Variants in TJP1 observed in about 807,000 individuals in gnomAD.
The protein encoded by TJP1 is tight junction protein ZO-1.
A neutral mutation model predicts 194.2 loss-of-function variants in TJP1; 43 were observed. The ratio of observed to expected loss-of-function variants is 0.22; its 90% confidence interval spans 0.17 to 0.29. The LOEUF is 0.29. Among genes scored for constraint, TJP1 ranks in the 10% least tolerant of loss-of-function variants. The pLI is 1.00. For missense variants in TJP1, 1,971 were observed against 2,185.7 expected, an observed-to-expected ratio of 0.90 and a Z score of 1.96; for synonymous variants, 801 against 779.0, an observed-to-expected ratio of 1.03 and a Z score of -0.47.
At chr15:29,926,047 C>T (rs2054514079) in intron 2 of TJP1, among the ~76,000 whole-genome samples, 1 of 152,150 alleles carries the variant, frequency 6.6e-6, no homozygotes, top group Admixed American at 6.5e-5. Context: ...CAGCAGTTAG[C>T]TCACCATGCC....
chr15:29,760,125 G>T (rs1159794186), intron 8 of TJP1: 1 of 679,144 alleles, frequency 1.5e-6, no homozygotes, highest in Non-Finnish European at 2.7e-6. Context: ...TGTCTCTTCA[G>T]CCCTGGACTC....
At position 29,718,898 on chromosome 15, in the gene TJP1, CTTCG is replaced by C. The variant is rs2042754635; in HGVS notation, c.3240_3243del (p.Tyr1080Ter). The C allele has an allele frequency of 6.2e-7, 1 of 1,614,078 alleles. No homozygotes were observed. The highest frequency in any genetic ancestry group is 8.5e-7 in the Non-Finnish European group (1 of 1,180,052). ...TGTTCTTCATACATGGGGACGCGAT[CTTCG>C]TATCGCAGACGATGTTCATAGTTTC... On this transcript the variant is annotated frameshift_variant, in exon 21 of 28. Coordinates refer to ENST00000614355, the MANE Select transcript of TJP1 (RefSeq NM_001330239.4). LOFTEE classifies it high-confidence loss of function.
At chr15:29,818,706 CG>C (rs1269891284) in intron 1 of TJP1, among the ~76,000 whole-genome samples, 1 of 137,444 alleles carries the variant, frequency 7.3e-6, no homozygotes, top group Non-Finnish European at 1.5e-5. Context: ...TTAGTAGAGA[CG>C]GGGTTTCACC....
chr15:29,732,364 G>A, intron 15 of TJP1, 69 bp downstream of exon 15: 1 of 1,286,500 alleles, frequency 7.8e-7, no homozygotes. Context: ...TTGAATGAGT[G>A]AATCAGAACT....
intron 2 of TJP1, among the ~76,000 whole-genome samples, chr15:29,938,525 T>C (rs556949943): frequency 3.3e-5 from 5 of 152,322 alleles, no homozygotes; most frequent in Admixed American, 6.5e-5. Context: ...GAAAAAAAGC[T>C]TGACTTCTTT....
intron 2 of TJP1, among the ~76,000 whole-genome samples, chr15:29,849,838 G>T: frequency 6.6e-6 from 1 of 151,894 alleles, no homozygotes; most frequent in Non-Finnish European, 1.5e-5. Context: ...GTCTTCCAAA[G>T]TGCTGGGATT....
At chr15:29,736,340 T>C (rs1418518205) in intron 11 of TJP1, among the ~76,000 whole-genome samples, 2 of 151,632 alleles carry the variant, frequency 1.3e-5, no homozygotes, top group African/African-American at 2.4e-5. Flanking sequence ...GAAGAACCAG[T>C]GGAGAGAGAA....
chr15:29,840,630 C>T (rs1261278004), intron 2 of TJP1, among the ~76,000 whole-genome samples: 1 of 152,188 alleles, frequency 6.6e-6, no homozygotes, highest in Non-Finnish European at 1.5e-5. Context: ...CCAGGACACG[C>T]CTCCTGAGGC....
chr15:29,755,566 C>T (rs1336589656), intron 8 of TJP1, among the ~76,000 whole-genome samples: 1 of 152,154 alleles, frequency 6.6e-6, no homozygotes, highest in African/African-American at 2.4e-5. Flanking sequence ...TCAGTAGAGG[C>T]ATTTCTCAGG....
chr15:29,772,213 G>T, intron 3 of TJP1, 47 bp from the exon 4 acceptor site: 1 of 1,201,002 alleles, frequency 8.3e-7, no homozygotes, highest in Non-Finnish European at 1.2e-6. Flanking sequence ...AAAACATTCT[G>T]GTAAGTTTAT....
In TJP1 at chr15:29,931,336, T is replaced by C. The variant is rs115092186; in HGVS notation, c.306+24896A>G. ...AATCTGCATATAAGTGGAGCCGCACTGTTCAAACCCATATGGTTCAAGGGT... is the reference window on the plus strand; with the variant it reads ...AATCTGCATATAAGTGGAGCCGCACCGTTCAAACCCATATGGTTCAAGGGT... On this transcript the variant is annotated intron_variant, in intron 2 of 28. Coordinates refer to the TJP1 transcript ENST00000356107. Among the ~76,000 whole-genome samples, 536 of 152,252 alleles carry C rather than the reference T, an allele frequency of 3.5e-3. 6 individuals are homozygous for C. Among genetic ancestry groups the C allele is most frequent in the African/African-American group, 0.012 (514 of 41,546 alleles).
intron 2 of TJP1, among the ~76,000 whole-genome samples, chr15:29,941,694 C>T (rs374430077): frequency 1.1e-4 from 17 of 152,306 alleles, no homozygotes; most frequent in East Asian, 3.9e-4. Context: ...TTGAGCACTT[C>T]GTTATCCCCC....
At chr15:29,737,180 T>C in intron 11 of TJP1, 84 bp downstream of exon 11, 1 of 1,502,088 alleles carries the variant, frequency 6.7e-7, no homozygotes, top group Admixed American at 1.8e-5. Flanking sequence ...TACAATCTAA[T>C]TACAATAGTA....
chr15:29,776,690 G>A (rs1201389271), intron 2 of TJP1, among the ~76,000 whole-genome samples: 1 of 152,002 alleles, frequency 6.6e-6, no homozygotes, highest in Non-Finnish European at 1.5e-5. Context: ...GAAAATACTG[G>A]TTCCCTGAGT....
intron 2 of TJP1, among the ~76,000 whole-genome samples, chr15:29,889,081 G>A (rs2152151984): frequency 6.6e-6 from 1 of 152,198 alleles, no homozygotes; most frequent in South Asian, 2.1e-4. Context: ...AAGTGAGCAG[G>A]CCTCCAAGTA....
At chr15:29,801,697 C>G (rs6495922) in intron 1 of TJP1, among the ~76,000 whole-genome samples, 142,862 of 151,528 alleles carry the variant, frequency 0.94, 67,551 homozygotes, top group East Asian at 1. Flanking sequence ...TCCTGACCTC[C>G]TGATCCGCCC....
At chr15:29,960,897 G>A (rs2152319751) in intron 1 of TJP1, among the ~76,000 whole-genome samples, 1 of 152,238 alleles carries the variant, frequency 6.6e-6, no homozygotes, top group Non-Finnish European at 1.5e-5. Flanking sequence ...AAAAAACACT[G>A]ATCTAGATAA....
chr15:29,951,569 GATTT>G (rs1260877055), intron 2 of TJP1, among the ~76,000 whole-genome samples: 5 of 152,050 alleles, frequency 3.3e-5, no homozygotes, highest in African/African-American at 4.8e-5. Flanking sequence ...AGTGACATGT[GATTT>G]ATTAACCCAA....
intron 2 of TJP1, among the ~76,000 whole-genome samples, chr15:29,904,634 C>G (rs761586271): frequency 1.7e-3 from 261 of 150,930 alleles, no homozygotes; most frequent in Non-Finnish European, 2.6e-3. Flanking sequence ...GAAATGCAAA[C>G]TAAAGCAAAA....
Sources: gnomAD v4.1 joint callset for allele counts (sites outside exome capture counted in the v4.1 genomes callset) on GRCh38, gnomAD v4.1.1 for gene constraint, MANE v1.5 for transcripts, NCBI Gene and HGNC (gene_info 2026-07-23, HGNC 2026-07-21) for gene names.